The following SPAG17 variants were observed in gnomAD, a reference collection of about 807,000 sequenced individuals.
The protein encoded by SPAG17 is sperm associated antigen 17, also known as sperm-associated antigen 17.
A neutral mutation model predicts 273.6 loss-of-function variants in SPAG17; 169 were observed. That is an observed-to-expected ratio of 0.62 (90% CI 0.55 to 0.70). The LOEUF is 0.70. SPAG17 is among the 30% of genes least tolerant of loss of function. SPAG17 has a pLI of 0.00. For missense variants in SPAG17, 2,557 were observed against 2,627.8 expected, an observed-to-expected ratio of 0.97 and a Z score of 0.59; for synonymous variants, 825 against 873.2, an observed-to-expected ratio of 0.94 and a Z score of 0.97.
chr1:118,101,124 G>T (rs1380063007), intron 5 of SPAG17, among the ~76,000 whole-genome samples: 1 of 151,990 alleles, frequency 6.6e-6, no homozygotes, highest in Non-Finnish European at 1.5e-5. Flanking sequence ...ATAAATATTT[G>T]TTTAAGAGAG....
At chr1:118,084,202 G>A (rs1030312507) in intron 13 of SPAG17, among the ~76,000 whole-genome samples, 14 of 152,118 alleles carry the variant, frequency 9.2e-5, no homozygotes, top group African/African-American at 1.9e-4. Context: ...CCAGGCCCTC[G>A]AGGCTATACC....
In SPAG17 at chr1:118,081,282, C is replaced by A; in HGVS notation, c.2028G>T (p.Gln676His). The A allele has an allele frequency of 1.9e-6, 3 of 1,614,068 alleles. No homozygotes were observed. The highest frequency in any genetic ancestry group is 2.5e-6 in the Non-Finnish European group (3 of 1,179,990). The change falls in exon 15 of 49, where the codon CAG becomes CAT. Residue 676 changes from glutamine to histidine, a missense_variant. Coordinates refer to ENST00000336338, the MANE Select transcript of SPAG17 (RefSeq NM_206996.4). ...TATCTTGCACAGACATTGACAAATT[C>A]TGATCCACAAATAGTGTTCTGTCTT... ...KIKDRTLFVDQNLSMSVQDNE... is the reference protein window; with the variant it reads ...KIKDRTLFVDHNLSMSVQDNE...
Position 117,988,162 on chromosome 1 carries a change from G to C in SPAG17, c.5564C>G (p.Thr1855Arg), listed in dbSNP as rs201394490. The change falls in exon 39 of 49, where the codon ACG (threonine) becomes AGG (arginine). Residue 1855 changes from threonine (T) to arginine (R), a missense_variant. Thr to Arg is a moderately conservative substitution (Grantham distance 71, BLOSUM62 -1). Coordinates refer to ENST00000336338, the MANE Select transcript of SPAG17 (RefSeq NM_206996.4). The part of the protein sequence containing the change: ...LTDLFKQSLA[T>R]PPKCPPDTFG... ...TGTGTCTGGTGGGCATTTTGGAGGCGTAGCCAAAGACTGCTTGAATAAATC... is the reference window on the plus strand; with the variant it reads ...TGTGTCTGGTGGGCATTTTGGAGGCCTAGCCAAAGACTGCTTGAATAAATC... 2 of 1,606,952 alleles carry C rather than the reference G, an allele frequency of 1.2e-6. No individual in the cohort carries two copies. Among genetic ancestry groups the C allele is most frequent in the African/African-American group, 2.7e-5 (2 of 74,526 alleles).
intron 10 of SPAG17, 48 bp from the exon 11 acceptor site, chr1:118,087,056 A>G (rs907331903): frequency 3.3e-6 from 5 of 1,515,916 alleles, no homozygotes; most frequent in Non-Finnish European, 4.4e-6. Flanking sequence ...TCCGCTCTTT[A>G]GTGATACTCA....
At position 118,101,902 on chromosome 1, in the gene SPAG17, C is replaced by G; in HGVS notation, c.472G>C (p.Glu158Gln). ...KKVIEDKPKL[E>Q]KDKGKAKSPK... Reference sequence around the variant, plus strand: ...GATTTTGCTTTCCCTTTATCCTTTTCTAACTTAGGTTTGTCTTCTATTACC... The same window carrying G: ...GATTTTGCTTTCCCTTTATCCTTTTGTAACTTAGGTTTGTCTTCTATTACC... The change falls in exon 5 of 49, where the codon GAA becomes CAA. Residue 158 changes from glutamate to glutamine, a missense_variant. Glu to Gln is a conservative substitution (Grantham distance 29, BLOSUM62 2). Coordinates refer to ENST00000336338, the MANE Select transcript of SPAG17 (RefSeq NM_206996.4). 6.2e-7 allele frequency: 1 copy of G among 1,612,988 alleles called. No individual in the cohort carries two copies. Among genetic ancestry groups the G allele is most frequent in the Non-Finnish European group, 8.5e-7 (1 of 1,179,738 alleles).
Position 118,040,927 on chromosome 1 carries a change from G to T in SPAG17, c.3055-86C>A. On this transcript the variant is annotated intron_variant, in intron 21 of 48. Transcript: ENST00000336338. ...CAGTGTTAGCCAACTAAAGTTGCCA[G>T]AAGCTTAATTTCTGCTAAGTGATAT... is the stretch of plus-strand genomic sequence containing the variant. 3.5e-6 allele frequency: 3 copies of T among 855,366 alleles called. No individual in the cohort carries two copies. The South Asian group carries it at 4.2e-5, about 12-fold the overall frequency. 53.0% of individuals were successfully genotyped at this position (855,366 alleles called of 1,614,324 possible). A position where few individuals can be genotyped will look rare whatever the true frequency, so the allele number is the denominator to read the frequency against.
rs577025844 is a variant in SPAG17, at chr1:118,009,500, G to C, written c.4433-1302C>G. Among the ~76,000 whole-genome samples, 8 of 152,280 alleles carry C rather than the reference G, an allele frequency of 5.3e-5. No individual in the cohort carries two copies. The East Asian group carries it at 1.3e-3, about 26-fold the overall frequency. ...TTTTAGAGTCTTTGAGCAGGTTCCA[G>C]TTAATTAGCAGCTACCGTTTCCTTT... On this transcript the variant is annotated intron_variant, in intron 30 of 48. Coordinates refer to ENST00000336338, the MANE Select transcript of SPAG17 (RefSeq NM_206996.4).
chr1:117,966,468 A>G (rs1485050660), intron 47 of SPAG17, 141 bp downstream of exon 47: 3 of 819,310 alleles, frequency 3.7e-6, no homozygotes, highest in Non-Finnish European at 5.3e-6. Context: ...ATGAATGAAG[A>G]TGCTCTTTGT....
At chr1:118,136,831 G>GTGTGTGTGTGTA (rs1491031429) in intron 3 of SPAG17, among the ~76,000 whole-genome samples, 1 of 131,466 alleles carries the variant, frequency 7.6e-6, no homozygotes, top group Non-Finnish European at 1.7e-5. Flanking sequence ...GTGTGTGTGT[G>GTGTGTGTGTGTA]TTTTTAATGA....
chr1:118,085,126 G>T (rs540626135), intron 13 of SPAG17, among the ~76,000 whole-genome samples: 1 of 152,072 alleles, frequency 6.6e-6, no homozygotes, highest in Non-Finnish European at 1.5e-5. Context: ...GATGGTCCAC[G>T]GTAGTGCTCA....
chr1:118,037,495 C>G (rs963580789), intron 23 of SPAG17, among the ~76,000 whole-genome samples: 2 of 152,128 alleles, frequency 1.3e-5, no homozygotes, highest in Non-Finnish European at 2.9e-5. Flanking sequence ...GATCCTTACC[C>G]TTCTCCCAAC....
At chr1:118,178,973 A>G (rs1660817554) in intron 1 of SPAG17, among the ~76,000 whole-genome samples, 1 of 152,044 alleles carries the variant, frequency 6.6e-6, no homozygotes, top group Non-Finnish European at 1.5e-5. Context: ...CAAAAAGAAA[A>G]GATATCCCAT....
At chr1:118,115,021 C>A (rs1487579371) in intron 4 of SPAG17, among the ~76,000 whole-genome samples, 1 of 152,172 alleles carries the variant, frequency 6.6e-6, no homozygotes, top group Non-Finnish European at 1.5e-5. Context: ...TCCTTGGGTC[C>A]CTTCTTGGCT....
rs1007464953 is a variant in SPAG17 at position 118,051,855 on chromosome 1, TATA to T, written c.2814+2144_2814+2146del. On this transcript the variant is annotated intron_variant, in intron 20 of 48. Transcript: ENST00000336338. ...TATAATATATAAACTATATATAATA[TATA>T]ATATGTACTATTATAATATATAAAC... 2.5e-3 allele frequency among the ~76,000 whole-genome samples: 338 copies of T among 136,030 alleles called. 6 individuals carry two copies. Among genetic ancestry groups the T allele is most frequent in the African/African-American group, 8.6e-3 (321 of 37,200 alleles). 89.2% of individuals were successfully genotyped at this position (136,030 alleles called of 152,430 possible). A position where few individuals can be genotyped will look rare whatever the true frequency, so the allele number is the denominator to read the frequency against.
At chr1:118,172,156 C>A (rs1225653141) in intron 1 of SPAG17, among the ~76,000 whole-genome samples, 1 of 152,180 alleles carries the variant, frequency 6.6e-6, no homozygotes, top group Non-Finnish European at 1.5e-5. Context: ...CTAGCAGTCT[C>A]AGTTAGGACC....
chr1:118,133,150 G>A (rs1658148403), intron 3 of SPAG17, among the ~76,000 whole-genome samples: 1 of 152,150 alleles, frequency 6.6e-6, no homozygotes, highest in African/African-American at 2.4e-5. Flanking sequence ...TGAATATCCT[G>A]AAGGCATGAA....
At chr1:118,117,094 A>G (rs1379792616) in intron 3 of SPAG17, among the ~76,000 whole-genome samples, 1 of 152,248 alleles carries the variant, frequency 6.6e-6, no homozygotes, top group East Asian at 1.9e-4. Context: ...GCATTTTTCA[A>G]TGCCAGCTAA....
chr1:118,184,275 A>G (rs1260269109), intron 1 of SPAG17, among the ~76,000 whole-genome samples: 1 of 152,178 alleles, frequency 6.6e-6, no homozygotes, highest in East Asian at 1.9e-4. Flanking sequence ...TTCCAGAAAC[A>G]ACTTTTCTCT....
chr1:118,063,940 C>A (rs1231959341), intron 18 of SPAG17, among the ~76,000 whole-genome samples: 3 of 152,188 alleles, frequency 2.0e-5, no homozygotes, highest in Admixed American at 6.5e-5. Context: ...TGAACAGACA[C>A]TTCTCAAAAG....
Sources: allele counts gnomAD v4.1 joint callset (sites outside exome capture counted in the v4.1 genomes callset), GRCh38; gene constraint gnomAD v4.1.1; transcripts MANE v1.5; gene names NCBI Gene and HGNC (gene_info 2026-07-23, HGNC 2026-07-21).